Variants in NLGN1 observed in about 807,000 individuals in gnomAD.
The protein encoded by NLGN1 is neuroligin-1.
A neutral mutation model predicts 65.5 loss-of-function variants in NLGN1; 12 were observed. The ratio of observed to expected loss-of-function variants is 0.18; its 90% confidence interval spans 0.12 to 0.30. The LOEUF is 0.30. Among genes scored for constraint, NLGN1 ranks in the 10% least tolerant of loss-of-function variants. The pLI is 1.00. For missense variants in NLGN1, 750 were observed against 1,007.1 expected (o/e 0.74, Z 3.46); for synonymous variants, 350 against 359.5 (o/e 0.97, Z 0.30).
chr3:173,809,596 T>C (rs1320242888), intron 4 of NLGN1, among the ~76,000 whole-genome samples: 2 of 152,188 alleles, frequency 1.3e-5, no homozygotes, highest in Non-Finnish European at 2.9e-5. Flanking sequence ...TGGCCACAAG[T>C]TTTTTTGCCT....
intron 4 of NLGN1, among the ~76,000 whole-genome samples, chr3:174,195,352 G>T (rs984661342): frequency 6.6e-6 from 1 of 152,062 alleles, no homozygotes; most frequent in African/African-American, 2.4e-5. Context: ...ATATTTCAGA[G>T]GCATTATTAA....
At chr3:174,077,111 C>G (rs1361950287) in intron 4 of NLGN1, among the ~76,000 whole-genome samples, 1 of 151,926 alleles carries the variant, frequency 6.6e-6, no homozygotes, top group Non-Finnish European at 1.5e-5. Flanking sequence ...ATCTTACATG[C>G]ATATTTTCCT....
intron 1 of NLGN1, among the ~76,000 whole-genome samples, chr3:173,398,799 A>G (rs1717101558): frequency 6.6e-6 from 1 of 152,122 alleles, no homozygotes; most frequent in South Asian, 2.1e-4. Context: ...CCCTCTTTTT[A>G]TACTCAAACT....
intron 3 of NLGN1, among the ~76,000 whole-genome samples, chr3:173,756,617 G>A (rs187145238): frequency 1.3e-4 from 19 of 151,714 alleles, no homozygotes; most frequent in East Asian, 5.8e-4. Context: ...TAAAAATTGC[G>A]TCTCTAAATA....
chr3:173,809,474 G>A (rs1717414662), intron 4 of NLGN1, among the ~76,000 whole-genome samples: 1 of 152,032 alleles, frequency 6.6e-6, no homozygotes, highest in African/African-American at 2.4e-5. Flanking sequence ...CTGAGCAGTG[G>A]CCAGTTTGCC....
chr3:173,959,755 C>CA (rs777235246), intron 4 of NLGN1, among the ~76,000 whole-genome samples: 6 of 152,112 alleles, frequency 3.9e-5, no homozygotes, highest in Non-Finnish European at 7.4e-5. Flanking sequence ...TTTGGTATCA[C>CA]AGTTTTGCTA....
At chr3:173,832,667 G>T (rs1422910135) in intron 4 of NLGN1, among the ~76,000 whole-genome samples, 2 of 152,146 alleles carry the variant, frequency 1.3e-5, no homozygotes, top group African/African-American at 4.8e-5. Context: ...AGGAAAGTAT[G>T]AAAATTAACT....
chr3:173,535,657 T>A (rs9823727), intron 2 of NLGN1, among the ~76,000 whole-genome samples: 66,473 of 151,932 alleles, frequency 0.44, 14,480 homozygotes, highest in East Asian at 0.8. Context: ...GACCATAAGA[T>A]GTTGACTCAC....
At chr3:173,678,525 G>A (rs1255368836) in intron 3 of NLGN1, among the ~76,000 whole-genome samples, 1 of 152,018 alleles carries the variant, frequency 6.6e-6, no homozygotes, top group Admixed American at 6.6e-5. Flanking sequence ...AAAGAGGATG[G>A]GGTTCATTCC....
At chr3:174,068,183 T>G (rs1046220985) in intron 4 of NLGN1, among the ~76,000 whole-genome samples, 1 of 151,870 alleles carries the variant, frequency 6.6e-6, no homozygotes, top group Non-Finnish European at 1.5e-5. Context: ...AGCATACAGC[T>G]GGCAGCCCGC....
rs563789691 is a variant in NLGN1, at chr3:173,508,459, G to A, written c.-321+73381G>A. Among the ~76,000 whole-genome samples the A allele has an allele frequency of 2.6e-5, 4 of 152,238 alleles. No homozygotes were observed. In the South Asian group the frequency reaches 8.3e-4, roughly 32 times the overall value. On this transcript the variant is annotated intron_variant, in intron 2 of 6. Transcript: ENST00000457714. ...GGAAAATAAAATGTAAGCCAGGGAGGCTTTCCTGTGTAATCTTCGCTATCC... is the reference window on the plus strand; with the variant it reads ...GGAAAATAAAATGTAAGCCAGGGAGACTTTCCTGTGTAATCTTCGCTATCC...
chr3:174,206,187 T>C (rs1283951728), intron 4 of NLGN1, among the ~76,000 whole-genome samples: 1 of 152,198 alleles, frequency 6.6e-6, no homozygotes, highest in Non-Finnish European at 1.5e-5. Flanking sequence ...ATGCAGCATG[T>C]ATTCTCAAAA....
intron 3 of NLGN1, among the ~76,000 whole-genome samples, chr3:173,622,941 C>A (rs901144062): frequency 6.6e-6 from 1 of 152,084 alleles, no homozygotes. Flanking sequence ...CTGCACATAG[C>A]CTTCCAGATC....
chr3:174,111,636 C>T (rs1237489884), intron 4 of NLGN1, among the ~76,000 whole-genome samples: 1 of 151,186 alleles, frequency 6.6e-6, no homozygotes, highest in Non-Finnish European at 1.5e-5. Flanking sequence ...CAATAAAACC[C>T]TAAAAAAAGG....
chr3:173,768,756 C>T (rs995537072), intron 3 of NLGN1, among the ~76,000 whole-genome samples: 4 of 152,070 alleles, frequency 2.6e-5, no homozygotes, highest in African/African-American at 9.7e-5. Flanking sequence ...GTAAAACAGC[C>T]CCAAAACCAA....
At chr3:173,949,094 A>T (rs1339822614) in intron 4 of NLGN1, among the ~76,000 whole-genome samples, 6 of 152,222 alleles carry the variant, frequency 3.9e-5, no homozygotes, top group African/African-American at 1.4e-4. Context: ...GCTAAACAAG[A>T]TAATCAGAGT....
At chr3:173,446,889 T>A (rs1720461037) in intron 2 of NLGN1, among the ~76,000 whole-genome samples, 1 of 152,230 alleles carries the variant, frequency 6.6e-6, no homozygotes, top group Non-Finnish European at 1.5e-5. Flanking sequence ...TTCACATCCT[T>A]TGCCCACTTT....
intron 4 of NLGN1, among the ~76,000 whole-genome samples, chr3:174,117,605 AG>A (rs1381124874): frequency 3.4e-5 from 5 of 148,932 alleles, no homozygotes; most frequent in African/African-American, 7.4e-5. Context: ...TGGGCAATAG[AG>A]AAAAAAAAAA....
intron 3 of NLGN1, among the ~76,000 whole-genome samples, chr3:173,696,582 G>A (rs1326641388): frequency 1.3e-5 from 2 of 152,154 alleles, no homozygotes; most frequent in Non-Finnish European, 2.9e-5. Context: ...TGAGGAAGGA[G>A]TAGACTAAAA....
Sources: allele counts gnomAD v4.1 joint callset (sites outside exome capture counted in the v4.1 genomes callset), GRCh38; gene constraint gnomAD v4.1.1; transcripts MANE v1.5; gene names NCBI Gene and HGNC (gene_info 2026-07-23, HGNC 2026-07-21).